Variants in CCDC150 observed in about 807,000 individuals in gnomAD.
CCDC150 encodes the protein coiled-coil domain-containing protein 150.
In CCDC150, 151 loss-of-function variants were observed where a neutral mutation model predicts 156.5. The ratio of observed to expected loss-of-function variants is 0.97; its 90% confidence interval spans 0.85 to 1.10. The LOEUF (loss-of-function observed/expected upper bound fraction) is 1.10. Ranked by LOEUF, CCDC150 falls within the 50% of genes least tolerant of loss-of-function variation. CCDC150 has a pLI of 0.00. For missense variants in CCDC150, 1,312 were observed against 1,268.1 expected (o/e 1.03, Z -0.53); for synonymous variants, 452 against 429.4 (o/e 1.05, Z -0.65).
chr2:196,732,663 G>A lies in CCDC150; in HGVS notation c.*101G>A. On this transcript the variant is annotated 3_prime_UTR_variant, in exon 28 of 28. Coordinates refer to ENST00000389175, the MANE Select transcript of CCDC150 (RefSeq NM_001080539.2). ...GTTTCTAGAGTCATAAGAACATGAA[G>A]TCTTTGATGTGGGCTGAAGATTTTG... The A allele has an allele frequency of 1.3e-6, 1 of 765,318 alleles. No homozygotes were observed. The highest frequency in any genetic ancestry group is 2.5e-5 in the East Asian group (1 of 40,148). The allele number at this position is 765,318 out of a possible 1,614,324, so 47.4% of individuals were successfully genotyped here. A position where few individuals can be genotyped will look rare whatever the true frequency, so the allele number is the denominator to read the frequency against.
intron 12 of CCDC150, chr2:196,677,085 T>G: frequency 1.4e-6 from 1 of 694,516 alleles, no homozygotes; most frequent in Non-Finnish European, 2.7e-6. Flanking sequence ...CAGCAGAGTC[T>G]GACATGCAGA....
intron 1 of CCDC150, 32 bp from the exon 2 acceptor site, chr2:196,646,309 C>CTA (rs746702389): frequency 3.7e-6 from 6 of 1,604,852 alleles, no homozygotes; most frequent in Middle Eastern, 1.7e-4. Context: ...ATAATAGGAC[C>CTA]TACCACACTA....
At position 196,656,580 on chromosome 2, in the gene CCDC150, A is replaced by G. The variant is rs565319357; in HGVS notation, c.177-53A>G. On this transcript the variant is annotated intron_variant, in intron 2 of 27. Coordinates refer to ENST00000389175, the MANE Select transcript of CCDC150 (RefSeq NM_001080539.2). ...TTACATTGACTCAGTTTTTGGGATT[A>G]CCATAGTAGAAATTGCATTGCATAA... The G allele has an allele frequency of 4.0e-6, 5 of 1,250,012 alleles. No homozygotes were observed. The African/African-American group carries it at 4.5e-5, about 11-fold the overall frequency. 77.4% of individuals were successfully genotyped at this position (1,250,012 alleles called of 1,614,324 possible).
intron 17 of CCDC150, among the ~76,000 whole-genome samples, chr2:196,715,106 T>C (rs1697415381): frequency 6.6e-6 from 1 of 152,160 alleles, no homozygotes; most frequent in African/African-American, 2.4e-5. Flanking sequence ...GAGGGCAATT[T>C]AGCAATATTT....
chr2:196,677,581 C>A (rs529444519), intron 13 of CCDC150, among the ~76,000 whole-genome samples: 1 of 152,288 alleles, frequency 6.6e-6, no homozygotes, highest in East Asian at 1.9e-4. Context: ...GCCAGTGAGT[C>A]ATCACTGCCT....
At chr2:196,658,688 T>C in intron 4 of CCDC150, 104 bp from the exon 5 acceptor site, 2 of 718,638 alleles carry the variant, frequency 2.8e-6, no homozygotes, top group Non-Finnish European at 4.7e-6. Flanking sequence ...AAAAATAGCA[T>C]TTATAGGTTG....
intron 2 of CCDC150, among the ~76,000 whole-genome samples, chr2:196,652,389 C>G (rs1170684216): frequency 2.6e-5 from 4 of 152,194 alleles, no homozygotes; most frequent in Non-Finnish European, 5.9e-5. Flanking sequence ...TATTCCCATT[C>G]CTAAAGGAAG....
At chr2:196,673,560 G>C (rs1445679809) in intron 9 of CCDC150, among the ~76,000 whole-genome samples, 1 of 151,870 alleles carries the variant, frequency 6.6e-6, no homozygotes, top group African/African-American at 2.4e-5. Context: ...TTTATTTTTT[G>C]TGTGTTTTCT....
At chr2:196,707,505 C>T (rs1413750029) in intron 15 of CCDC150, among the ~76,000 whole-genome samples, 1 of 151,976 alleles carries the variant, frequency 6.6e-6, no homozygotes. Flanking sequence ...GTGTCTCTGT[C>T]TCCTTCAGTT....
At chr2:196,657,300 G>T (rs1477777481) in intron 4 of CCDC150, 164 bp downstream of exon 4, 3 of 639,690 alleles carry the variant, frequency 4.7e-6, no homozygotes, top group Non-Finnish European at 5.4e-6. Flanking sequence ...TATGACATTT[G>T]CACTGATAAC....
intron 2 of CCDC150, among the ~76,000 whole-genome samples, chr2:196,654,450 T>C (rs1288951958): frequency 6.6e-6 from 1 of 152,102 alleles, no homozygotes; most frequent in Non-Finnish European, 1.5e-5. Flanking sequence ...TTTTTTTCTT[T>C]CTGCTCCTCA....
At chr2:196,659,890 A>G (rs898336575) in intron 5 of CCDC150, among the ~76,000 whole-genome samples, 13 of 152,210 alleles carry the variant, frequency 8.5e-5, no homozygotes, top group African/African-American at 2.4e-4. Flanking sequence ...TATGGGTTTG[A>G]CAAATGCATA....
intron 21 of CCDC150, 49 bp from the exon 22 acceptor site, chr2:196,725,924 C>T (rs755247754): frequency 1.3e-6 from 2 of 1,535,290 alleles, no homozygotes; most frequent in South Asian, 2.4e-5. Flanking sequence ...TTTCTTACCT[C>T]CTAAAATGAT....
intron 1 of CCDC150, among the ~76,000 whole-genome samples, chr2:196,642,071 A>G (rs1224272887): frequency 6.6e-6 from 1 of 152,234 alleles, no homozygotes; most frequent in Non-Finnish European, 1.5e-5. Flanking sequence ...TGATAATAAT[A>G]TATGCATAGA....
In CCDC150 at chr2:196,718,542, C is replaced by G; in HGVS notation, c.1906C>G (p.Arg636Gly). 6.2e-7 allele frequency: 1 copy of G among 1,613,194 alleles called. No homozygotes were observed. The highest frequency in any genetic ancestry group is 8.5e-7 in the Non-Finnish European group (1 of 1,179,530). Residue 636 changes from arginine to glycine, a missense_variant, in exon 18 of 28, where the codon CGA becomes GGA. Arg to Gly is a moderately radical substitution (Grantham distance 125). Coordinates refer to ENST00000389175, the MANE Select transcript of CCDC150 (RefSeq NM_001080539.2). ...ILERSKEELS[R>G]TVKCRNAALK... ...TGAAAGAAGTAAAGAGGAGCTGTCCCGAACAGTGAAGTGTCGTAATGCGGC... is the reference window on the plus strand; with the variant it reads ...TGAAAGAAGTAAAGAGGAGCTGTCCGGAACAGTGAAGTGTCGTAATGCGGC...
At chr2:196,729,616 G>T (rs553144729) in intron 23 of CCDC150, 177 bp from the exon 24 acceptor site, 7 of 661,104 alleles carry the variant, frequency 1.1e-5, no homozygotes, top group African/African-American at 7.3e-5. Context: ...TCCCTTCCGT[G>T]TTGATTGTAC....
At chr2:196,706,892 G>A (rs1222644412) in intron 15 of CCDC150, among the ~76,000 whole-genome samples, 1 of 152,182 alleles carries the variant, frequency 6.6e-6, no homozygotes, top group African/African-American at 2.4e-5. Context: ...GCTTTTTGAT[G>A]TGCTGCTGGA....
At chr2:196,662,796 C>T (rs1183391523) in intron 5 of CCDC150, among the ~76,000 whole-genome samples, 2 of 152,152 alleles carry the variant, frequency 1.3e-5, no homozygotes, top group Admixed American at 1.3e-4. Flanking sequence ...AAAAGCCAGG[C>T]ACAGTGGTGT....
chr2:196,685,589 T>C (rs1052921822), intron 13 of CCDC150, among the ~76,000 whole-genome samples: 3 of 152,108 alleles, frequency 2.0e-5, no homozygotes, highest in Non-Finnish European at 4.4e-5. Context: ...TTAGAATTCA[T>C]GGTTGAATGT....
Sources: allele counts gnomAD v4.1 joint callset (sites outside exome capture counted in the v4.1 genomes callset), GRCh38; gene constraint gnomAD v4.1.1; transcripts MANE v1.5; gene names NCBI Gene and HGNC (gene_info 2026-07-23, HGNC 2026-07-21).